DNAH6: variants seen among roughly 807,000 people sequenced by gnomAD.
The protein encoded by DNAH6 is axonemal beta dynein heavy chain 6.
Under a neutral mutation model 491.4 loss-of-function variants are expected in DNAH6, and 340 were observed. The ratio of observed to expected loss-of-function variants is 0.69; its 90% confidence interval spans 0.63 to 0.76. The LOEUF (loss-of-function observed/expected upper bound fraction) is 0.76. Among genes scored for constraint, DNAH6 ranks in the 30% least tolerant of loss-of-function variants. The probability of loss-of-function intolerance (pLI) is 0.00; values close to 1 mark genes in which losing one functional copy is unlikely to be tolerated. For synonymous variants in DNAH6, 1,603 were observed against 1,686.1 expected, an observed-to-expected ratio of 0.95 and a Z score of 1.21; for missense variants, 4,443 against 4,972.2, an observed-to-expected ratio of 0.89 and a Z score of 3.20.
chr2:84,696,199 A>G (rs1405389342), intron 46 of DNAH6, among the ~76,000 whole-genome samples: 1 of 151,780 alleles, frequency 6.6e-6, no homozygotes, highest in East Asian at 1.9e-4. Context: ...GAAAGCAAAT[A>G]TTTTCTAATA....
At chr2:84,642,084 A>G (rs749785658) in intron 33 of DNAH6, 30 bp downstream of exon 33, 115 of 1,427,908 alleles carry the variant, frequency 8.1e-5, no homozygotes, top group Non-Finnish European at 1.0e-4. Context: ...CAAGTAAAGC[A>G]TGGCTATCAC....
chr2:84,635,161 A>G (rs989815680), intron 30 of DNAH6, among the ~76,000 whole-genome samples: 1 of 152,202 alleles, frequency 6.6e-6, no homozygotes, highest in Non-Finnish European at 1.5e-5. Context: ...GGCAGAGGCT[A>G]TCTCATTGGA....
chr2:84,664,942 A>G (rs1241400495), intron 37 of DNAH6, among the ~76,000 whole-genome samples: 3 of 152,154 alleles, frequency 2.0e-5, no homozygotes, highest in Non-Finnish European at 2.9e-5. Flanking sequence ...GGATTAAGAA[A>G]CTCACTCAAG....
In DNAH6 at chr2:84,707,292, A is replaced by G. The variant is rs6736936; in HGVS notation, c.8852-228A>G. ...AAGGATACAGAAAGCACTGTCTTCAACCAGAGTAATGGAGTATCAAAAAAG... is the reference window on the plus strand; with the variant it reads ...AAGGATACAGAAAGCACTGTCTTCAGCCAGAGTAATGGAGTATCAAAAAAG... On this transcript the variant is annotated intron_variant, in intron 53 of 76. Transcript: ENST00000389394. Among the ~76,000 whole-genome samples, 786 of 152,374 alleles carry G rather than the reference A, an allele frequency of 5.2e-3. 7 individuals carry two copies. The highest frequency in any genetic ancestry group is 0.018 in the African/African-American group (748 of 41,588).
Position 84,658,392 on chromosome 2 carries a change from A to C in DNAH6, c.5858A>C (p.Gln1953Pro), listed in dbSNP as rs1194756375. Residue 1953 changes from glutamine (Q) to proline (P), a missense_variant, in exon 36 of 77, where the codon CAA becomes CCA. Gln to Pro is a moderately conservative substitution (Grantham distance 76, BLOSUM62 -1). Coordinates refer to ENST00000389394, the MANE Select transcript of DNAH6 (RefSeq NM_001370.2). ...INKKCSQAIP[Q>P]VDISKVTTLC... Reference sequence around the variant, plus strand: ...AAAAAGTGCAGCCAAGCAATTCCACAAGTGGACATCAGCAAAGTTACTACA... The same window carrying C: ...AAAAAGTGCAGCCAAGCAATTCCACCAGTGGACATCAGCAAAGTTACTACA... The C allele has an allele frequency of 6.5e-7, 1 of 1,549,452 alleles. No homozygotes were observed. The highest frequency in any genetic ancestry group is 8.7e-7 in the Non-Finnish European group (1 of 1,145,708).
intron 66 of DNAH6, among the ~76,000 whole-genome samples, 194 bp from the exon 67 acceptor site, chr2:84,785,416 C>T (rs1677082662): frequency 6.6e-6 from 1 of 152,188 alleles, no homozygotes; most frequent in South Asian, 2.1e-4. Context: ...AGAAACCTGC[C>T]ATTCCCTATT....
At chr2:84,650,644 C>A (rs1690369613) in intron 33 of DNAH6, among the ~76,000 whole-genome samples, 1 of 152,104 alleles carries the variant, frequency 6.6e-6, no homozygotes, top group South Asian at 2.1e-4. Flanking sequence ...CTTGGCTAGT[C>A]AGAAGGCTGA....
chr2:84,713,040 C>T (rs1403629138), intron 56 of DNAH6, 55 bp from the exon 57 acceptor site: 1 of 1,460,106 alleles, frequency 6.8e-7, no homozygotes. Flanking sequence ...GAAGTTCATG[C>T]TATCCATTTT....
In DNAH6 at chr2:84,709,491, G is replaced by T; in HGVS notation, c.9197G>T (p.Gly3066Val). 1 of 1,551,654 alleles carries T rather than the reference G, an allele frequency of 6.4e-7. No individual in the cohort carries two copies. The highest frequency in any genetic ancestry group is 8.7e-7 in the Non-Finnish European group (1 of 1,147,010). ...LPRDLISTEN[G>V]ILVTQGRRWP... ...CGTGACTTGATATCAACAGAAAATG[G>T]CATTTTGGTTACTCAAGGCAGAAGA... Residue 3066 changes from glycine (G) to valine (V), a missense_variant, in exon 55 of 77, where the codon GGC (glycine) becomes GTC (valine). By Grantham distance (109) the Gly-to-Val change is moderately radical. Transcript: ENST00000389394.
chr2:84,788,334 G>C (rs529294504), intron 68 of DNAH6, among the ~76,000 whole-genome samples: 2 of 152,118 alleles, frequency 1.3e-5, no homozygotes, highest in Non-Finnish European at 2.9e-5. Flanking sequence ...GGTTACCTCA[G>C]TGTCTACTGC....
chr2:84,708,166 G>A (rs184506508), intron 54 of DNAH6, among the ~76,000 whole-genome samples: 4 of 152,134 alleles, frequency 2.6e-5, no homozygotes, highest in East Asian at 1.9e-4. Context: ...AGCTGGGTGC[G>A]GTGGCTCATG....
At position 84,642,009 on chromosome 2, in the gene DNAH6, A is replaced by T. The variant is rs568988217; in HGVS notation, c.5033A>T (p.Asp1678Val). The change falls in exon 33 of 77, where the codon GAC becomes GTC. Residue 1678 changes from aspartate (D) to valine (V), a missense_variant. Coordinates refer to ENST00000389394, the MANE Select transcript of DNAH6 (RefSeq NM_001370.2). ...GTGGTGTTGATAAGAGCTTTACAAG[A>T]CTCCAATTTGCCAAAATTTCTAACA... The part of the protein sequence containing the change: ...EDVVLIRALQ[D>V]SNLPKFLTDD... 35 of 1,550,966 alleles carry T rather than the reference A, an allele frequency of 2.3e-5. No homozygotes were observed. The East Asian group carries it at 5.9e-4, about 26-fold the overall frequency.
At chr2:84,463,338 T>C in the DNAH6 span, among the ~76,000 whole-genome samples, 2 of 152,224 alleles carry the variant, frequency 1.3e-5, no homozygotes, top group Non-Finnish European at 2.9e-5. Context: ...GGAGGAGCTT[T>C]AAATTAGGTA....
rs575047431 is a variant in DNAH6, at chr2:84,818,359, A to G, written c.12374-946A>G. Among the ~76,000 whole-genome samples the G allele has an allele frequency of 2.0e-5, 3 of 151,960 alleles. No homozygotes were observed. In the East Asian group the frequency reaches 5.8e-4, roughly 29 times the overall value. ...CAAAAATTAGCAAGGTGTGGTGCAC[A>G]CGCCTGTAGTCCCAGCCGCTTGGGA... On this transcript the variant is annotated intron_variant, in intron 76 of 76. Transcript: ENST00000389394.
the DNAH6 span, among the ~76,000 whole-genome samples, chr2:84,468,222 G>GT: frequency 1.1e-3 from 172 of 152,288 alleles, 1 homozygote; most frequent in Non-Finnish European, 2.1e-3. Context: ...ATTAATTAGA[G>GT]TTTTTTTATA....
At chr2:84,743,439 A>G (rs1439135703) in intron 62 of DNAH6, among the ~76,000 whole-genome samples, 1 of 152,184 alleles carries the variant, frequency 6.6e-6, no homozygotes, top group Non-Finnish European at 1.5e-5. Context: ...TCCATTGTCA[A>G]TCTTACCTTC....
At position 84,705,671 on chromosome 2, in the gene DNAH6, G is replaced by T. The variant is rs991160315; in HGVS notation, c.8651G>T (p.Trp2884Leu). The T allele has an allele frequency of 6.4e-7, 1 of 1,551,656 alleles. No individual in the cohort carries two copies. Among genetic ancestry groups the T allele is most frequent in the Non-Finnish European group, 8.7e-7 (1 of 1,146,978 alleles). Reference protein sequence around the residue: ...VSKACKSMCMWVRAMDLYSRV... With the variant: ...VSKACKSMCMLVRAMDLYSRV... ...AAAGCATGTAAATCTATGTGCATGT[G>T]GGTAAGAGCTATGGATTTGTACTCT... The change falls in exon 52 of 77, where the codon TGG (tryptophan) becomes TTG (leucine). Residue 2884 changes from tryptophan (W) to leucine (L), a missense_variant. By Grantham distance (61) the Trp-to-Leu change is moderately conservative. This residue lies in a region of DNAH6 where 1,463 missense variants were observed against 1,656.6 expected (regional missense o/e 0.88). Transcript: ENST00000389394.
intron 76 of DNAH6, among the ~76,000 whole-genome samples, chr2:84,817,661 C>T (rs116461658): frequency 0.024 from 3,682 of 152,226 alleles, 75 homozygotes; most frequent in South Asian, 0.06. Flanking sequence ...TAAAGGAATA[C>T]CTGAGGCTGA....
At chr2:84,702,098 AG>A (rs1177233567) in intron 49 of DNAH6, among the ~76,000 whole-genome samples, 1 of 152,238 alleles carries the variant, frequency 6.6e-6, no homozygotes, top group Non-Finnish European at 1.5e-5. Flanking sequence ...TAAGCAATAC[AG>A]ATGGTGTTTT....
Sources: gnomAD v4.1 joint callset for allele counts (sites outside exome capture counted in the v4.1 genomes callset) on GRCh38, gnomAD v4.1.1 for gene constraint, gnomAD v4.1.1 regional missense constraint, MANE v1.5 for transcripts, NCBI Gene and HGNC (gene_info 2026-07-23, HGNC 2026-07-21) for gene names.